Variants in DCAF8L2 observed in about 807,000 individuals in gnomAD.
The protein encoded by DCAF8L2 is DDB1- and CUL4-associated factor 8-like protein 2.
For synonymous variants in DCAF8L2, 200 were observed against 190.9 expected (o/e 1.05, Z -0.39); for missense variants, 430 against 490.7 (o/e 0.88, Z 1.17).
chrX:27,496,132 T>C, the DCAF8L2 span, among the ~76,000 whole-genome samples: 2 of 111,641 alleles, frequency 1.8e-5, no homozygotes, highest in Non-Finnish European at 3.8e-5. Flanking sequence ...CCTCATTTGA[T>C]ATTAATTTTA....
intron 2 of DCAF8L2, among the ~76,000 whole-genome samples, chrX:27,667,120 G>A (rs1455522183): frequency 1.9e-5 from 2 of 106,271 alleles, no homozygotes; most frequent in Admixed American, 2.1e-4. Context: ...TGGGGAGGGA[G>A]AGTAGAGAAA....
At chrX:27,653,763 A>G (rs865900976) in intron 2 of DCAF8L2, among the ~76,000 whole-genome samples, 5 of 79,856 alleles carry the variant, frequency 6.3e-5, no homozygotes, top group Non-Finnish European at 1.3e-4. Flanking sequence ...CACACACACA[A>G]CATATATTTC....
intron 1 of DCAF8L2, among the ~76,000 whole-genome samples, chrX:27,601,888 T>C (rs978348310): frequency 9.0e-6 from 1 of 110,951 alleles, no homozygotes; most frequent in Non-Finnish European, 1.9e-5. Context: ...AGGGTTTAGC[T>C]AAAGGAAGGC....
chrX:27,723,662 A>G (rs1931977336), intron 4 of DCAF8L2, among the ~76,000 whole-genome samples: 1 of 111,097 alleles, frequency 9.0e-6, no homozygotes, highest in African/African-American at 3.3e-5. Flanking sequence ...ATCTGCCATT[A>G]TTTACCAAAA....
intron 1 of DCAF8L2, among the ~76,000 whole-genome samples, chrX:27,629,137 C>T (rs1187615396): frequency 3.6e-5 from 4 of 111,636 alleles, no homozygotes; most frequent in African/African-American, 1.3e-4. Context: ...GTCAGATATA[C>T]AGTTGACAAA....
the DCAF8L2 span, among the ~76,000 whole-genome samples, chrX:27,574,789 A>G: frequency 7.2e-5 from 8 of 111,186 alleles, no homozygotes; most frequent in African/African-American, 2.3e-4. Flanking sequence ...CCGCTGCTCA[A>G]ACTTCTAGGG....
chrX:27,571,774 G>C, the DCAF8L2 span, among the ~76,000 whole-genome samples: 1 of 111,418 alleles, frequency 9.0e-6, no homozygotes, highest in South Asian at 3.8e-4. Flanking sequence ...CAACTATCCT[G>C]TTGGGAAAAC....
chrX:27,615,421 A>G (rs1387965119), intron 1 of DCAF8L2, among the ~76,000 whole-genome samples: 1 of 111,698 alleles, frequency 9.0e-6, no homozygotes. Flanking sequence ...AAATGACTAT[A>G]TTCTTGAATA....
intron 3 of DCAF8L2, among the ~76,000 whole-genome samples, chrX:27,686,482 G>A (rs183046783): frequency 3.3e-3 from 367 of 109,612 alleles, no homozygotes; most frequent in African/African-American, 0.012. Flanking sequence ...AGGCAAAAAA[G>A]ACAAATATTG....
intron 1 of DCAF8L2, among the ~76,000 whole-genome samples, chrX:27,613,207 T>A (rs1298568074): frequency 3.6e-5 from 4 of 111,196 alleles, no homozygotes; most frequent in South Asian, 3.8e-4. Context: ...ATTCTCTTTG[T>A]AGCAATTGTG....
chrX:27,704,016 A>G (rs1365936168), intron 3 of DCAF8L2, among the ~76,000 whole-genome samples: 1 of 104,641 alleles, frequency 9.6e-6, no homozygotes, highest in Non-Finnish European at 1.9e-5. Flanking sequence ...GATCAGCATA[A>G]AGAACTCTTA....
At chrX:27,495,258 T>G in the DCAF8L2 span, among the ~76,000 whole-genome samples, 2 of 112,045 alleles carry the variant, frequency 1.8e-5, no homozygotes, top group African/African-American at 3.2e-5. Context: ...TCTGTTGCAT[T>G]GGTTGATATT....
chrX:27,602,180 C>T (rs780269945), intron 1 of DCAF8L2, among the ~76,000 whole-genome samples: 59 of 110,956 alleles, frequency 5.3e-4, no homozygotes, highest in Admixed American at 1.8e-3. Context: ...GGATTACAGG[C>T]ATGCACCACC....
the DCAF8L2 span, among the ~76,000 whole-genome samples, chrX:27,505,748 G>T: frequency 1.8e-5 from 2 of 109,361 alleles, no homozygotes; most frequent in African/African-American, 6.7e-5. Context: ...CATCTTGCTG[G>T]AACTGTGTAT....
chrX:27,685,760 C>T (rs68017139), intron 3 of DCAF8L2, among the ~76,000 whole-genome samples: 10,481 of 111,152 alleles, frequency 0.094, 1,194 homozygotes, highest in African/African-American at 0.33. Flanking sequence ...AAACCTTCTG[C>T]AGAGCAAAGG....
At chrX:27,644,904 G>A (rs1164976859) in intron 2 of DCAF8L2, among the ~76,000 whole-genome samples, 1 of 111,652 alleles carries the variant, frequency 9.0e-6, no homozygotes. Context: ...ACATGCACGT[G>A]CCACCACGCC....
rs113826309 is a variant in DCAF8L2, at chrX:27,746,983, G to A, written c.88G>A (p.Val30Met). 0.012 allele frequency: 13,810 copies of A among 1,194,964 alleles called. 1,028 individuals are homozygous for A. The African/African-American group carries it at 0.21, about 18-fold the overall frequency. ...CAGCCCAGAGGAGCAGTCTGGAGCCGTGGCGGCGACAGAGGCCTCCTCAGA... is the reference window on the plus strand; with the variant it reads ...CAGCCCAGAGGAGCAGTCTGGAGCCATGGCGGCGACAGAGGCCTCCTCAGA... ...FSSPEEQSGA[V>M]AATEASSDID... Residue 30 changes from valine (V) to methionine (M), a missense_variant, in exon 5 of 5, where the codon GTG (valine) becomes ATG (methionine). By Grantham distance (21) the Val-to-Met change is conservative. Transcript: ENST00000451261.
intron 2 of DCAF8L2, among the ~76,000 whole-genome samples, chrX:27,660,086 G>T (rs1319467076): frequency 9.0e-6 from 1 of 111,524 alleles, no homozygotes; most frequent in East Asian, 2.8e-4. Context: ...GCAACGGCGC[G>T]ATCTCAGCTC....
At chrX:27,703,988 A>G (rs1931225753) in intron 3 of DCAF8L2, among the ~76,000 whole-genome samples, 1 of 108,000 alleles carries the variant, frequency 9.3e-6, no homozygotes, top group South Asian at 3.8e-4. Flanking sequence ...AGCAAATCAT[A>G]TAGTGATAAG....
Sources: gnomAD v4.1 joint callset for allele counts (sites outside exome capture counted in the v4.1 genomes callset) on GRCh38, gnomAD v4.1.1 for gene constraint, MANE v1.5 for transcripts, NCBI Gene and HGNC (gene_info 2026-07-23, HGNC 2026-07-21) for gene names.